IMMP2L: variants seen among roughly 807,000 people sequenced by gnomAD.
IMMP2L encodes mitochondrial inner membrane protease subunit 2.
IMMP2L carries 18 observed loss-of-function variants against 19.3 expected under a neutral mutation model. The observed-to-expected ratio is 0.93, with a 90% CI of 0.64 to 1.38. The LOEUF is 1.38. IMMP2L is among the 40% of genes most tolerant of loss of function. The probability of loss-of-function intolerance (pLI) is 0.00; values close to 1 mark genes in which losing one functional copy is unlikely to be tolerated. For missense variants in IMMP2L, 233 were observed against 218.2 expected (o/e 1.07, Z -0.43); for synonymous variants, 76 against 73.0 (o/e 1.04, Z -0.21).
intron 3 of IMMP2L, among the ~76,000 whole-genome samples, chr7:111,255,662 G>GTGAC (rs1816617715): frequency 1.3e-5 from 2 of 151,968 alleles, no homozygotes; most frequent in African/African-American, 2.4e-5. Context: ...TTCAGGAAAG[G>GTGAC]TGACTGGGCC....
At chr7:111,140,788 TG>T (rs1370118965) in intron 3 of IMMP2L, among the ~76,000 whole-genome samples, 1 of 152,178 alleles carries the variant, frequency 6.6e-6, no homozygotes, top group Non-Finnish European at 1.5e-5. Flanking sequence ...TTATTAAGAC[TG>T]TTCGGCCATT....
intron 3 of IMMP2L, among the ~76,000 whole-genome samples, chr7:111,249,730 C>T (rs531895742): frequency 1.3e-5 from 2 of 152,276 alleles, no homozygotes; most frequent in African/African-American, 4.8e-5. Context: ...GTTAAAAACT[C>T]TCAATAAACT....
chr7:111,243,763 G>A (rs28716046), intron 3 of IMMP2L, among the ~76,000 whole-genome samples: 1,122 of 63,928 alleles, frequency 0.018, 51 homozygotes, highest in African/African-American at 0.065. Context: ...GAGAATATGC[G>A]GTGTTTGGTT....
At chr7:111,110,062 G>A (rs1471068716) in intron 3 of IMMP2L, among the ~76,000 whole-genome samples, 1 of 152,178 alleles carries the variant, frequency 6.6e-6, no homozygotes, top group African/African-American at 2.4e-5. Context: ...TTGAACCCAG[G>A]AGGTGGAGGT....
chr7:111,449,244 G>C (rs1838873270), intron 3 of IMMP2L, among the ~76,000 whole-genome samples: 1 of 143,280 alleles, frequency 7.0e-6, no homozygotes, highest in Non-Finnish European at 1.5e-5. Flanking sequence ...AAGCCGGGCA[G>C]AGACACAACA....
At chr7:110,997,545 T>G (rs1478506692) in intron 3 of IMMP2L, among the ~76,000 whole-genome samples, 2 of 152,176 alleles carry the variant, frequency 1.3e-5, no homozygotes, top group Non-Finnish European at 2.9e-5. Context: ...CTATTATTTA[T>G]TTTAGTAATT....
At chr7:110,804,910 T>C (rs2131236180) in intron 5 of IMMP2L, among the ~76,000 whole-genome samples, 1 of 152,212 alleles carries the variant, frequency 6.6e-6, no homozygotes, top group South Asian at 2.1e-4. Context: ...AACAAACCTC[T>C]AACATTTTTG....
intron 3 of IMMP2L, among the ~76,000 whole-genome samples, chr7:111,217,991 T>C (rs1812133868): frequency 6.6e-6 from 1 of 152,072 alleles, no homozygotes; most frequent in Admixed American, 6.5e-5. Flanking sequence ...CTTTTCAAAA[T>C]AATGAGCTAC....
intron 3 of IMMP2L, among the ~76,000 whole-genome samples, chr7:111,090,468 A>G (rs1273734280): frequency 6.6e-6 from 1 of 152,166 alleles, no homozygotes; most frequent in Non-Finnish European, 1.5e-5. Flanking sequence ...ATTACATCAT[A>G]TAAAGAGAAG....
At chr7:111,405,111 C>T (rs541962705) in intron 3 of IMMP2L, among the ~76,000 whole-genome samples, 1 of 152,064 alleles carries the variant, frequency 6.6e-6, no homozygotes, top group South Asian at 2.1e-4. Flanking sequence ...ACTCCTTTTA[C>T]CGACTATGGT....
rs1835775796 is a variant in IMMP2L, at chr7:111,423,423, T to G, written c.239+63815A>C. 2.6e-5 allele frequency among the ~76,000 whole-genome samples: 4 copies of G among 151,868 alleles called. 1 individual carries two copies. The highest frequency in any genetic ancestry group is 9.7e-5 in the African/African-American group (4 of 41,136). ...TTATTGGTCTATTTAGAGATTCAAC[T>G]TCTTCCTGGTTTAGTCTTGGGAGGC... On this transcript the variant is annotated intron_variant, in intron 3 of 5. Transcript: ENST00000405709.
intron 4 of IMMP2L, among the ~76,000 whole-genome samples, chr7:110,937,489 G>A (rs970614691): frequency 6.6e-6 from 1 of 152,156 alleles, no homozygotes; most frequent in Non-Finnish European, 1.5e-5. Context: ...GCTTAGGCGG[G>A]ATTCACACTT....
intron 4 of IMMP2L, among the ~76,000 whole-genome samples, chr7:110,925,183 A>G (rs968047292): frequency 6.6e-6 from 1 of 152,138 alleles, no homozygotes; most frequent in African/African-American, 2.4e-5. Flanking sequence ...TATAGCTTTT[A>G]TATTTCTATA....
At chr7:110,932,573 C>T (rs1437639710) in intron 4 of IMMP2L, among the ~76,000 whole-genome samples, 1 of 152,136 alleles carries the variant, frequency 6.6e-6, no homozygotes, top group African/African-American at 2.4e-5. Context: ...CCAGGATGGT[C>T]TCGATCTCCT....
At chr7:110,729,735 G>A (rs990359198) in intron 5 of IMMP2L, among the ~76,000 whole-genome samples, 1 of 152,122 alleles carries the variant, frequency 6.6e-6, no homozygotes, top group Admixed American at 6.5e-5. Flanking sequence ...CACATGGGTG[G>A]GGGGAACAAC....
chr7:110,715,996 C>G (rs902276023), intron 5 of IMMP2L, among the ~76,000 whole-genome samples: 2 of 151,960 alleles, frequency 1.3e-5, no homozygotes, highest in African/African-American at 4.8e-5. Context: ...TGAATTGAAC[C>G]CTTCATCATT....
At chr7:110,703,311 T>TA (rs754161549) in intron 5 of IMMP2L, among the ~76,000 whole-genome samples, 3 of 152,166 alleles carry the variant, frequency 2.0e-5, no homozygotes, top group Non-Finnish European at 2.9e-5. Flanking sequence ...TCCTTTTTTT[T>TA]AATGTATTGT....
At chr7:111,065,510 G>A (rs1794407985) in intron 3 of IMMP2L, among the ~76,000 whole-genome samples, 1 of 152,144 alleles carries the variant, frequency 6.6e-6, no homozygotes, top group South Asian at 2.1e-4. Flanking sequence ...GTCTATGAGG[G>A]TGTTGCCAAA....
intron 4 of IMMP2L, among the ~76,000 whole-genome samples, chr7:110,899,013 C>T (rs1198006979): frequency 2.0e-5 from 3 of 151,794 alleles, no homozygotes; most frequent in African/African-American, 7.3e-5. Flanking sequence ...GATGTGCTTT[C>T]TTTTCTTTTG....
Sources: allele counts gnomAD v4.1 joint callset (sites outside exome capture counted in the v4.1 genomes callset), GRCh38; gene constraint gnomAD v4.1.1; transcripts MANE v1.5; gene names NCBI Gene and HGNC (gene_info 2026-07-23, HGNC 2026-07-21).